Variants in TSHR observed in about 807,000 individuals in gnomAD.
TSHR encodes thyrotropin receptor.
TSHR carries 51 observed loss-of-function variants against 64.1 expected under a neutral mutation model. The ratio of observed to expected loss-of-function variants is 0.80; its 90% CI spans 0.64 to 1.01. The LOEUF is 1.01. Ranked by LOEUF, TSHR falls within the 50% of genes least tolerant of loss-of-function variation. The pLI, the probability that TSHR is intolerant of heterozygous loss-of-function variation, is 0.00. For synonymous variants in TSHR, 361 were observed against 361.9 expected (o/e 1.00, Z 0.03); for missense variants, 877 against 942.8 (o/e 0.93, Z 0.91).
At chr14:81,117,720 C>G in intron 8 of TSHR, among the ~76,000 whole-genome samples, 1 of 61,672 alleles carries the variant, frequency 1.6e-5, no homozygotes, top group Non-Finnish European at 2.8e-5. Flanking sequence ...GAGACACAAC[C>G]AAAAAAGAGA....
chr14:81,125,773 C>T (rs759043057), intron 8 of TSHR, among the ~76,000 whole-genome samples: 10 of 152,116 alleles, frequency 6.6e-5, no homozygotes, highest in East Asian at 3.9e-4. Flanking sequence ...GACAAACTGC[C>T]GTCTTGCACA....
intron 1 of TSHR, among the ~76,000 whole-genome samples, chr14:81,055,223 G>A (rs192766051): frequency 9.9e-5 from 15 of 152,258 alleles, no homozygotes; most frequent in Middle Eastern, 3.4e-3. Context: ...AGAGCCTGTG[G>A]GTACACAGAA....
intron 1 of TSHR, among the ~76,000 whole-genome samples, chr14:81,054,739 C>T (rs142949511): frequency 6.6e-6 from 1 of 151,996 alleles, no homozygotes; most frequent in Admixed American, 6.6e-5. Flanking sequence ...GTATATATAT[C>T]TCTATATATC....
intron 1 of TSHR, among the ~76,000 whole-genome samples, chr14:81,049,261 G>A (rs958932688): frequency 2.0e-5 from 3 of 152,176 alleles, no homozygotes; most frequent in Non-Finnish European, 4.4e-5. Context: ...ATAATGCCTG[G>A]AGCATGGTAG....
At chr14:80,961,995 A>G (rs761924985) in intron 1 of TSHR, among the ~76,000 whole-genome samples, 9 of 152,160 alleles carry the variant, frequency 5.9e-5, no homozygotes, top group Non-Finnish European at 1.0e-4. Flanking sequence ...CAGGAATCCT[A>G]TGTTTTTAGA....
intron 2 of TSHR, among the ~76,000 whole-genome samples, chr14:81,064,710 T>C (rs1886482874): frequency 6.6e-6 from 1 of 151,830 alleles, no homozygotes; most frequent in Non-Finnish European, 1.5e-5. Context: ...GTAAAGAGGA[T>C]TGGGAGTTCT....
chr14:81,019,721 G>T (rs1188491120), intron 1 of TSHR, among the ~76,000 whole-genome samples: 5 of 151,422 alleles, frequency 3.3e-5, no homozygotes, highest in Admixed American at 2.6e-4. Flanking sequence ...TTGGTTTTCT[G>T]TTCTGGTGTT....
At chr14:81,136,470 C>T (rs1436273156) in intron 8 of TSHR, among the ~76,000 whole-genome samples, 1 of 152,004 alleles carries the variant, frequency 6.6e-6, no homozygotes. Context: ...GTGTCAATTA[C>T]CATGTTGGGG....
At chr14:80,980,897 C>T (rs1888131306) in intron 1 of TSHR, among the ~76,000 whole-genome samples, 1 of 152,088 alleles carries the variant, frequency 6.6e-6, no homozygotes, top group African/African-American at 2.4e-5. Context: ...CTGTCTAATC[C>T]ATTTCTGTTA....
At chr14:81,042,565 CAT>C (rs1225913373) in intron 1 of TSHR, among the ~76,000 whole-genome samples, 7 of 151,924 alleles carry the variant, frequency 4.6e-5, no homozygotes, top group Non-Finnish European at 1.0e-4. Flanking sequence ...TGATCTTACT[CAT>C]ATGTGAAATC....
At chr14:81,089,341 A>G (rs1425533740) in intron 4 of TSHR, among the ~76,000 whole-genome samples, 1 of 152,176 alleles carries the variant, frequency 6.6e-6, no homozygotes, top group African/African-American at 2.4e-5. Flanking sequence ...AATGGAAGAC[A>G]CTGATGGGAT....
At chr14:80,982,062 G>A in intron 1 of TSHR, 2 of 487,888 alleles carry the variant, frequency 4.1e-6, no homozygotes, top group Non-Finnish European at 3.9e-6. Context: ...TAAAGCTGGA[G>A]AAGAGAGGGA....
At chr14:80,962,122 A>G (rs1207224027) in intron 1 of TSHR, among the ~76,000 whole-genome samples, 1 of 152,214 alleles carries the variant, frequency 6.6e-6, no homozygotes, top group African/African-American at 2.4e-5. Context: ...TCTATAAAAA[A>G]AGAGTAATAA....
intron 6 of TSHR, among the ~76,000 whole-genome samples, chr14:81,093,330 G>A (rs1888902906): frequency 6.6e-6 from 1 of 152,234 alleles, no homozygotes; most frequent in Non-Finnish European, 1.5e-5. Flanking sequence ...TGTTCTAAAG[G>A]AGAAGATCTA....
At chr14:81,117,635 A>G (rs1890579729) in intron 8 of TSHR, among the ~76,000 whole-genome samples, 1 of 132,706 alleles carries the variant, frequency 7.5e-6, no homozygotes, top group Non-Finnish European at 1.6e-5. Flanking sequence ...AAACTATTCC[A>G]ATCAATAGAA....
At chr14:81,002,781 C>CTTTTTTTTTTTTTTTTTTTTTTTCTTTTT (rs1889389915) in intron 1 of TSHR, among the ~76,000 whole-genome samples, 2 of 44,324 alleles carry the variant, frequency 4.5e-5, no homozygotes, top group South Asian at 6.6e-4. Context: ...CCTAATGCCT[C>CTTTTTTTTTTTTTTTTTTTTTTTCTTTTT]TTTTTTTTTT....
intron 1 of TSHR, among the ~76,000 whole-genome samples, chr14:81,000,485 T>C (rs1252560134): frequency 6.6e-6 from 1 of 152,130 alleles, no homozygotes; most frequent in African/African-American, 2.4e-5. Flanking sequence ...CTGGGATCCT[T>C]GTGGCCTGAA....
chr14:81,043,132 A>G (rs1050350286), intron 1 of TSHR, among the ~76,000 whole-genome samples: 1 of 152,198 alleles, frequency 6.6e-6, no homozygotes, highest in Non-Finnish European at 1.5e-5. Flanking sequence ...AGATTCAAAG[A>G]GAAGAAGTCA....
rs143533131 is a variant in TSHR, at chr14:81,032,747, CA to C, written c.171-29400del. ...ACCAGGTCATCATGGCAGAACTTGC[CA>C]CCAAGAATTCCAAATTGGTGGAAGT... On this transcript the variant is annotated intron_variant, in intron 1 of 9. Transcript: ENST00000298171. 357 of 435,308 alleles carry C rather than the reference CA, an allele frequency of 8.2e-4. 5 individuals are homozygous for C. Among genetic ancestry groups the C allele is most frequent in the East Asian group, 7.2e-4 (11 of 15,276 alleles). The allele number at this position is 435,308 out of a possible 1,614,324, so 27.0% of individuals were successfully genotyped here. A position where few individuals can be genotyped will look rare whatever the true frequency, so the allele number is the denominator to read the frequency against.
Sources: allele counts gnomAD v4.1 joint callset (sites outside exome capture counted in the v4.1 genomes callset), GRCh38; gene constraint gnomAD v4.1.1; transcripts MANE v1.5; gene names NCBI Gene and HGNC (gene_info 2026-07-23, HGNC 2026-07-21).